Variants in KCNN2 observed in about 807,000 individuals in gnomAD.
KCNN2 encodes small conductance calcium-activated potassium channel protein 2.
Under a neutral mutation model 55.5 loss-of-function variants are expected in KCNN2, and 24 were observed. The observed-to-expected ratio is 0.43, with a 90% CI of 0.31 to 0.61. The LOEUF (loss-of-function observed/expected upper bound fraction) is 0.61. Among genes scored for constraint, KCNN2 ranks in the 20% least tolerant of loss-of-function variants. The pLI is 0.08. For synonymous variants in KCNN2, 431 were observed against 336.1 expected, an observed-to-expected ratio of 1.28 and a Z score of -3.09; for missense variants, 754 against 853.6, an observed-to-expected ratio of 0.88 and a Z score of 1.45.
At chr5:114,482,123 A>ATC (rs1457187367) in intron 5 of KCNN2, among the ~76,000 whole-genome samples, 1 of 152,248 alleles carries the variant, frequency 6.6e-6, no homozygotes, top group Non-Finnish European at 1.5e-5. Flanking sequence ...AATGTTTGCA[A>ATC]TCTGTCCATC....
chr5:114,177,189 G>A (rs1232991357), intron 1 of KCNN2, among the ~76,000 whole-genome samples: 2 of 150,714 alleles, frequency 1.3e-5, no homozygotes, highest in Admixed American at 6.6e-5. Context: ...CCAGGCTGGA[G>A]TGCAGTGGCG....
intron 2 of KCNN2, among the ~76,000 whole-genome samples, chr5:114,263,660 A>G (rs1390109647): frequency 6.6e-6 from 1 of 152,182 alleles, no homozygotes; most frequent in Admixed American, 6.5e-5. Flanking sequence ...AAAATTTTTT[A>G]TAAAATATAG....
chr5:114,442,235 A>ATT (rs1760242802), intron 3 of KCNN2, among the ~76,000 whole-genome samples: 1 of 150,588 alleles, frequency 6.6e-6, no homozygotes, highest in Non-Finnish European at 1.5e-5. Flanking sequence ...AGCAGAACGA[A>ATT]TTATATATAT....
At position 114,439,965 on chromosome 5, in the gene KCNN2, G is replaced by A. The variant is rs202171694; in HGVS notation, c.1638-23084G>A. ...TCCCTGGTGGGTAACACCTTGAATT[G>A]CATGGTGGAAGCAAACACTAATCTC... is the stretch of plus-strand genomic sequence containing the variant. On this transcript the variant is annotated intron_variant, in intron 3 of 7. Transcript: ENST00000673685. 2.6e-5 allele frequency among the ~76,000 whole-genome samples: 4 copies of A among 152,270 alleles called. No individual in the cohort carries two copies. The East Asian group carries it at 5.8e-4, about 22-fold the overall frequency.
At chr5:114,241,984 G>A (rs1754653539) in intron 2 of KCNN2, among the ~76,000 whole-genome samples, 1 of 151,122 alleles carries the variant, frequency 6.6e-6, no homozygotes, top group African/African-American at 2.4e-5. Context: ...TCAGGCTAAA[G>A]GGCCTCCCAC....
intron 1 of KCNN2, among the ~76,000 whole-genome samples, chr5:114,158,854 A>C (rs941908600): frequency 1.3e-5 from 2 of 152,034 alleles, no homozygotes; most frequent in Non-Finnish European, 2.9e-5. Flanking sequence ...CATTGGTTTT[A>C]TATCCTGAGA....
At position 114,362,949 on chromosome 5, in the gene KCNN2, T is replaced by A; in HGVS notation, c.810T>A (p.Ala270=). The stretch of plus-strand genomic sequence containing the variant: ...CTGCAGCCGCTGCCGCCGCCGCCGC[T>A]GTTTCGTCCTCAGCCCCCGAGATCG... ...SPSAAAAAAA[A]VSSSAPEIVV... The change falls in exon 1 of 8, where the codon GCT becomes GCA. Residue 270 remains alanine (A), a synonymous_variant. Coordinates refer to ENST00000673685, the MANE Select transcript of KCNN2 (RefSeq NM_021614.4). 6.5e-7 allele frequency: 1 copy of A among 1,530,282 alleles called. No individual in the cohort carries two copies. The highest frequency in any genetic ancestry group is 8.8e-7 in the Non-Finnish European group (1 of 1,138,690). 94.8% of individuals were successfully genotyped at this position (1,530,282 alleles called of 1,614,324 possible).
chr5:114,385,401 G>C (rs1758246467), intron 2 of KCNN2, among the ~76,000 whole-genome samples: 1 of 152,066 alleles, frequency 6.6e-6, no homozygotes, highest in African/African-American at 2.4e-5. Flanking sequence ...AATGCCTATA[G>C]TGTTGTGCCC....
intron 3 of KCNN2, among the ~76,000 whole-genome samples, chr5:114,432,689 C>T (rs913714367): frequency 2.6e-5 from 4 of 152,122 alleles, no homozygotes; most frequent in African/African-American, 4.8e-5. Flanking sequence ...GAGGGAGAGG[C>T]GCGAGCGGGA....
At chr5:114,468,725 A>C (rs1346955235) in intron 4 of KCNN2, among the ~76,000 whole-genome samples, 1 of 152,202 alleles carries the variant, frequency 6.6e-6, no homozygotes, top group Non-Finnish European at 1.5e-5. Context: ...TATAAATTTC[A>C]TTATTATGTT....
intron 2 of KCNN2, among the ~76,000 whole-genome samples, chr5:114,389,420 T>G (rs1758394527): frequency 6.6e-6 from 1 of 152,172 alleles, no homozygotes. Flanking sequence ...ATGCTAGCCC[T>G]GTATCATGTA....
intron 5 of KCNN2, among the ~76,000 whole-genome samples, chr5:114,485,811 A>G (rs894279169): frequency 3.3e-5 from 5 of 152,204 alleles, no homozygotes; most frequent in African/African-American, 9.6e-5. Flanking sequence ...TCAAAAAGAA[A>G]ACTTTTTCAC....
intron 4 of KCNN2, among the ~76,000 whole-genome samples, chr5:114,466,135 A>T (rs1761436131): frequency 6.6e-6 from 1 of 152,104 alleles, no homozygotes; most frequent in African/African-American, 2.4e-5. Flanking sequence ...AAGTCATGAG[A>T]TTGCCTAATA....
chr5:114,082,738 A>G (rs1750852518), intron 1 of KCNN2, among the ~76,000 whole-genome samples: 1 of 152,206 alleles, frequency 6.6e-6, no homozygotes, highest in Non-Finnish European at 1.5e-5. Flanking sequence ...TTAAAAAGGA[A>G]TGAAATTCTG....
At chr5:114,378,064 G>C (rs1757995751) in intron 2 of KCNN2, among the ~76,000 whole-genome samples, 2 of 152,196 alleles carry the variant, frequency 1.3e-5, no homozygotes, top group African/African-American at 4.8e-5. Flanking sequence ...TCTCGTAAGA[G>C]GGACATTGGG....
chr5:114,145,928 C>T (rs578076993), intron 1 of KCNN2, among the ~76,000 whole-genome samples: 26 of 151,878 alleles, frequency 1.7e-4, no homozygotes, highest in Non-Finnish European at 2.2e-4. Context: ...TTCTTTTTGA[C>T]GGTTGGATGT....
chr5:114,092,938 T>C (rs1244772877), intron 1 of KCNN2, among the ~76,000 whole-genome samples: 1 of 152,204 alleles, frequency 6.6e-6, no homozygotes, highest in Non-Finnish European at 1.5e-5. Flanking sequence ...ACCTCTGACA[T>C]GCCTTAGAGA....
intron 6 of KCNN2, 28 bp from the exon 7 acceptor site, chr5:114,493,375 C>T (rs765158570): frequency 4.2e-6 from 6 of 1,421,684 alleles, no homozygotes; most frequent in Non-Finnish European, 6.0e-6. Context: ...AGAAGGGAAC[C>T]TTTCTGATAC....
intron 2 of KCNN2, among the ~76,000 whole-genome samples, chr5:114,364,827 T>A (rs1757554712): frequency 6.6e-6 from 1 of 151,924 alleles, no homozygotes; most frequent in African/African-American, 2.4e-5. Context: ...GAATTTGCAC[T>A]GTGTGGGAGG....
Sources: gnomAD v4.1 joint callset for allele counts (sites outside exome capture counted in the v4.1 genomes callset) on GRCh38, gnomAD v4.1.1 for gene constraint, MANE v1.5 for transcripts, NCBI Gene and HGNC (gene_info 2026-07-23, HGNC 2026-07-21) for gene names.